CDH12: variants seen among roughly 807,000 people sequenced by gnomAD.
CDH12 encodes the protein cadherin-12.
Under a neutral mutation model 74.1 loss-of-function variants are expected in CDH12, and 41 were observed. The observed-to-expected ratio is 0.55, with a 90% CI of 0.43 to 0.72. The LOEUF is 0.72. Ranked by LOEUF, CDH12 falls within the 30% of genes least tolerant of loss-of-function variation. The pLI is 0.00. For synonymous variants in CDH12, 399 were observed against 355.0 expected, an observed-to-expected ratio of 1.12 and a Z score of -1.39; for missense variants, 945 against 977.2, an observed-to-expected ratio of 0.97 and a Z score of 0.44.
intron 4 of CDH12, among the ~76,000 whole-genome samples, chr5:22,090,237 T>C (rs2150236790): frequency 6.6e-6 from 1 of 151,780 alleles, no homozygotes; most frequent in East Asian, 1.9e-4. Context: ...AAACGTACTA[T>C]AACAAATACC....
intron 6 of CDH12, among the ~76,000 whole-genome samples, chr5:21,919,663 G>A (rs1270673221): frequency 6.6e-6 from 1 of 152,126 alleles, no homozygotes; most frequent in Non-Finnish European, 1.5e-5. Flanking sequence ...AGATAGACTT[G>A]ATTCCCGGAG....
chr5:22,322,040 C>T (rs1738908337), intron 3 of CDH12, among the ~76,000 whole-genome samples: 2 of 152,066 alleles, frequency 1.3e-5, no homozygotes, highest in Admixed American at 1.3e-4. Flanking sequence ...AAATGGACAA[C>T]CTCAGAATAT....
chr5:22,087,695 G>A (rs1010833898), intron 4 of CDH12, among the ~76,000 whole-genome samples: 2 of 152,080 alleles, frequency 1.3e-5, no homozygotes, highest in Admixed American at 6.6e-5. Context: ...TTTAGACATT[G>A]CTTTGTAATG....
At chr5:22,357,783 A>C (rs1214961845) in intron 3 of CDH12, among the ~76,000 whole-genome samples, 1 of 152,172 alleles carries the variant, frequency 6.6e-6, no homozygotes, top group Non-Finnish European at 1.5e-5. Flanking sequence ...AAAGGTGCAC[A>C]TTACTTGCAT....
intron 2 of CDH12, among the ~76,000 whole-genome samples, chr5:22,452,475 A>G (rs1745081604): frequency 6.6e-6 from 1 of 152,012 alleles, no homozygotes; most frequent in Non-Finnish European, 1.5e-5. Context: ...TGGGGACACA[A>G]CAGTCTCTTC....
intron 4 of CDH12, among the ~76,000 whole-genome samples, chr5:22,155,294 C>G (rs1747952486): frequency 6.6e-6 from 1 of 151,934 alleles, no homozygotes; most frequent in Non-Finnish European, 1.5e-5. Flanking sequence ...AGAAGCGAAA[C>G]TATTGCTGGA....
chr5:22,095,050 G>A (rs10057836), intron 4 of CDH12, among the ~76,000 whole-genome samples: 25,597 of 152,054 alleles, frequency 0.17, 2,813 homozygotes, highest in African/African-American at 0.31. Context: ...CTCTTCACAC[G>A]GACATACATG....
intron 1 of CDH12, among the ~76,000 whole-genome samples, chr5:22,795,385 C>A (rs1244166788): frequency 6.6e-6 from 1 of 151,980 alleles, no homozygotes; most frequent in South Asian, 2.1e-4. Flanking sequence ...TCAGCTTAAG[C>A]CTCCCATAGT....
chr5:22,027,208 C>A (rs373921018), intron 5 of CDH12, among the ~76,000 whole-genome samples: 1 of 151,948 alleles, frequency 6.6e-6, no homozygotes, highest in South Asian at 2.1e-4. Flanking sequence ...CTGCTGGATT[C>A]GGTTTGCCAG....
rs537821679 is a variant in CDH12 at position 22,545,342 on chromosome 5, T to G, written c.-522-39978A>C. ...CATTTAAATGAGGTAAAATTCTCTT[T>G]AGCTCCAGCAATGGCAAGTCATGCT... On this transcript the variant is annotated intron_variant, in intron 1 of 14. Transcript: ENST00000382254. Among the ~76,000 whole-genome samples the G allele has an allele frequency of 8.4e-4, 128 of 152,286 alleles. 1 individual carries two copies. In the South Asian group the frequency reaches 0.025, roughly 30 times the overall value.
chr5:21,907,927 T>G (rs547765590), intron 6 of CDH12, among the ~76,000 whole-genome samples: 49 of 152,322 alleles, frequency 3.2e-4, no homozygotes, highest in Non-Finnish European at 6.8e-4. Flanking sequence ...AGGGAGTTTA[T>G]ACATGCCTTC....
chr5:22,389,789 AG>A (rs1443115924), intron 3 of CDH12, among the ~76,000 whole-genome samples: 1 of 128,134 alleles, frequency 7.8e-6, no homozygotes, highest in East Asian at 2.2e-4. Context: ...CTGGGACTAC[AG>A]GCGCCCACCA....
rs142678156 is a variant in CDH12, at chr5:22,758,657, T to G, written c.-523+94401A>C. Reference sequence around the variant, plus strand: ...TAACAGAGCAAAGAGTAAACTTTGTTTGCTTTAATAATACTAAATTGTAAC... The same window carrying G: ...TAACAGAGCAAAGAGTAAACTTTGTGTGCTTTAATAATACTAAATTGTAAC... On this transcript the variant is annotated intron_variant, in intron 1 of 14. Transcript: ENST00000382254. 3.2e-4 allele frequency among the ~76,000 whole-genome samples: 49 copies of G among 152,302 alleles called. No homozygotes were observed. In the East Asian group the frequency reaches 8.9e-3, roughly 28 times the overall value.
intron 4 of CDH12, among the ~76,000 whole-genome samples, chr5:22,206,818 T>A (rs1408014609): frequency 6.6e-6 from 1 of 150,912 alleles, no homozygotes; most frequent in Admixed American, 6.6e-5. Context: ...AGGTTTTAAA[T>A]ACCATAGAAA....
At chr5:22,609,329 G>A (rs532332512) in intron 1 of CDH12, among the ~76,000 whole-genome samples, 10 of 152,180 alleles carry the variant, frequency 6.6e-5, no homozygotes, top group Non-Finnish European at 8.8e-5. Flanking sequence ...GCATCCTAGG[G>A]AATCTCTACT....
chr5:22,267,466 T>C (rs568620324), intron 3 of CDH12, among the ~76,000 whole-genome samples: 1 of 152,338 alleles, frequency 6.6e-6, no homozygotes, highest in South Asian at 2.1e-4. Context: ...CCTTATTTCA[T>C]GTCCCTGAAT....
rs576634013 is a variant in CDH12 at position 22,370,262 on chromosome 5, C to T, written c.-333+34995G>A. On this transcript the variant is annotated intron_variant, in intron 3 of 14. Transcript: ENST00000382254. The stretch of plus-strand genomic sequence containing the variant: ...AGTGTGTCTTGCTTTAACATATTCC[C>T]ACTTATCAACCAATCACTGTCAAGA... Among the ~76,000 whole-genome samples the T allele has an allele frequency of 4.6e-5, 7 of 152,204 alleles. No individual in the cohort carries two copies. The South Asian group carries it at 1.4e-3, about 32-fold the overall frequency.
At chr5:22,789,069 T>C (rs1747783846) in intron 1 of CDH12, among the ~76,000 whole-genome samples, 1 of 152,082 alleles carries the variant, frequency 6.6e-6, no homozygotes, top group Non-Finnish European at 1.5e-5. Flanking sequence ...TCATAGTTTA[T>C]TTTGAGTTTT....
intron 3 of CDH12, among the ~76,000 whole-genome samples, chr5:22,385,318 T>G (rs1450248080): frequency 6.6e-6 from 1 of 152,168 alleles, no homozygotes; most frequent in Admixed American, 6.5e-5. Context: ...ATCCATATGA[T>G]TTTCTTCATT....
Sources: allele counts gnomAD v4.1 joint callset (sites outside exome capture counted in the v4.1 genomes callset), GRCh38; gene constraint gnomAD v4.1.1; transcripts MANE v1.5; gene names NCBI Gene and HGNC (gene_info 2026-07-23, HGNC 2026-07-21).